CATSPERE: variants seen among roughly 807,000 people sequenced by gnomAD.
CATSPERE encodes cation channel sperm-associated auxiliary subunit epsilon.
A neutral mutation model predicts 114.1 loss-of-function variants in CATSPERE; 93 were observed. The observed-to-expected ratio is 0.81, with a 90% CI of 0.69 to 0.97. The LOEUF is 0.97. CATSPERE is among the 50% of genes least tolerant of loss of function. The probability of loss-of-function intolerance (pLI) is 0.00; values close to 1 mark genes in which losing one functional copy is unlikely to be tolerated. For synonymous variants in CATSPERE, 341 were observed against 384.1 expected, an observed-to-expected ratio of 0.89 and a Z score of 1.31; for missense variants, 1,058 against 1,131.6, an observed-to-expected ratio of 0.93 and a Z score of 0.93.
chr1:244,573,033 T>G lies in CATSPERE; in HGVS notation c.1950+261T>G, dbSNP rs1419801297. Among the ~76,000 whole-genome samples the G allele has an allele frequency of 6.6e-6, 1 of 152,088 alleles. No individual in the cohort carries two copies. The highest frequency in any genetic ancestry group is 1.5e-5 in the Non-Finnish European group (1 of 68,012). Reference sequence around the variant, plus strand: ...TTGTATTGTTCACTTCTTCTTCTTTTTTTTTTTAATGCATGGCTTTCCTGT... The same window carrying G: ...TTGTATTGTTCACTTCTTCTTCTTTGTTTTTTTAATGCATGGCTTTCCTGT... On this transcript the variant is annotated intron_variant, in intron 11 of 21. Transcript: ENST00000366534. The surrounding 1 kb of genome is among the most constrained non-coding windows in gnomAD (Gnocchi z 4.0).
intron 9 of CATSPERE, among the ~76,000 whole-genome samples, chr1:244,553,221 A>G (rs1007205780): frequency 2.0e-5 from 3 of 152,144 alleles, no homozygotes; most frequent in Admixed American, 1.3e-4. Flanking sequence ...TACTGTGTCT[A>G]TGTGTTGGTA....
At chr1:244,496,213 C>T (rs1302983479) in intron 6 of CATSPERE, among the ~76,000 whole-genome samples, 1 of 152,212 alleles carries the variant, frequency 6.6e-6, no homozygotes, top group Non-Finnish European at 1.5e-5. Context: ...AACACCTTTA[C>T]TCCTGCTTTA....
At chr1:244,588,581 C>T in intron 14 of CATSPERE, 47 bp downstream of exon 14, 1 of 1,400,774 alleles carries the variant, frequency 7.1e-7, no homozygotes, top group South Asian at 1.2e-5. Context: ...AGTTTTAAAA[C>T]AAATGGTAAA....
intron 20 of CATSPERE, among the ~76,000 whole-genome samples, chr1:244,634,321 C>T (rs1674350046): frequency 6.6e-6 from 1 of 152,088 alleles, no homozygotes; most frequent in Admixed American, 6.6e-5. Flanking sequence ...TCTTTTTGAG[C>T]CGTTCTGTAT....
At chr1:244,468,172 A>C (rs553103460) in intron 2 of CATSPERE, among the ~76,000 whole-genome samples, 5 of 151,072 alleles carry the variant, frequency 3.3e-5, no homozygotes, top group Non-Finnish European at 7.4e-5. Flanking sequence ...GGCTCACTGC[A>C]ACCTCTGCCT....
At chr1:244,567,079 G>C (rs1228824141) in intron 10 of CATSPERE, among the ~76,000 whole-genome samples, 1 of 152,074 alleles carries the variant, frequency 6.6e-6, no homozygotes, top group African/African-American at 2.4e-5. Context: ...TGTCTGTAAA[G>C]GATTTTATTT....
chr1:244,563,573 G>A (rs1202392461), intron 10 of CATSPERE, among the ~76,000 whole-genome samples: 1 of 152,182 alleles, frequency 6.6e-6, no homozygotes, highest in African/African-American at 2.4e-5. Context: ...TTTGAGAAGT[G>A]TCTGTTCATA....
intron 20 of CATSPERE, among the ~76,000 whole-genome samples, chr1:244,624,023 G>C (rs952360039): frequency 6.6e-6 from 1 of 151,658 alleles, no homozygotes; most frequent in African/African-American, 2.4e-5. Context: ...GTGCAGTGGC[G>C]CAATCTCAAC....
chr1:244,548,899 T>C (rs1660171545), intron 8 of CATSPERE, among the ~76,000 whole-genome samples: 2 of 152,302 alleles, frequency 1.3e-5, no homozygotes, highest in African/African-American at 4.8e-5. Context: ...CTATTATCCC[T>C]AGAGACCTAT....
chr1:244,460,926 A>C (rs1003239299), upstream of CATSPERE, among the ~76,000 whole-genome samples: 1 of 151,988 alleles, frequency 6.6e-6, no homozygotes, highest in African/African-American at 2.4e-5. Context: ...AAAAACAAAC[A>C]ACAACAAAAA....
chr1:244,504,148 T>C lies in CATSPERE; in HGVS notation c.429+5069T>C, dbSNP rs1674483329. 6.6e-6 allele frequency among the ~76,000 whole-genome samples: 1 copy of C among 152,196 alleles called. No individual in the cohort carries two copies. The highest frequency in any genetic ancestry group is 2.4e-5 in the African/African-American group (1 of 41,454). On this transcript the variant is annotated intron_variant, in intron 7 of 21. Coordinates refer to ENST00000366534, the MANE Select transcript of CATSPERE (RefSeq NM_001130957.2). This position sits in a 1 kb window ranked among gnomAD's most constrained non-coding sequence, Gnocchi z 4.1. ...TCCTCTGTTCACCATGTTTAACAAA[T>C]AAAAGAGCACACAAATATCCAGCTA...
intron 2 of CATSPERE, among the ~76,000 whole-genome samples, chr1:244,472,696 CA>C (rs1668687961): frequency 6.6e-6 from 1 of 152,128 alleles, no homozygotes. Context: ...TGAGCATGGA[CA>C]AATGTTTAAT....
chr1:244,461,927 C>T (rs889702050), intron 1 of CATSPERE, among the ~76,000 whole-genome samples: 1 of 152,148 alleles, frequency 6.6e-6, no homozygotes, highest in Non-Finnish European at 1.5e-5. Context: ...GCTCCTCGCA[C>T]CTCGGCCTCC....
intron 19 of CATSPERE, among the ~76,000 whole-genome samples, chr1:244,616,130 AAAAAC>A (rs1008956732): frequency 6.6e-6 from 1 of 152,070 alleles, no homozygotes; most frequent in African/African-American, 2.4e-5. Flanking sequence ...CTCCATCCCT[AAAAAC>A]AAAACAAAAC....
intron 13 of CATSPERE, among the ~76,000 whole-genome samples, chr1:244,586,301 G>A (rs1045218815): frequency 1.3e-5 from 2 of 152,150 alleles, no homozygotes; most frequent in Admixed American, 1.3e-4. Flanking sequence ...GGCTTGGGGT[G>A]ATTTTTTTCA....
At chr1:244,455,234 G>A (rs1169218096) in intron 1 of CATSPERE, among the ~76,000 whole-genome samples, 1 of 151,968 alleles carries the variant, frequency 6.6e-6, no homozygotes, top group African/African-American at 2.4e-5. Flanking sequence ...CTGTAACTTT[G>A]CCATTTATTG....
chr1:244,556,882 G>A (rs965813498), intron 9 of CATSPERE, among the ~76,000 whole-genome samples: 1 of 151,880 alleles, frequency 6.6e-6, no homozygotes, highest in Non-Finnish European at 1.5e-5. Context: ...CTATACAAAA[G>A]AGAAAGTAAG....
chr1:244,553,328 G>A (rs1307623476), intron 9 of CATSPERE, among the ~76,000 whole-genome samples: 3 of 151,822 alleles, frequency 2.0e-5, no homozygotes, highest in East Asian at 1.9e-4. Flanking sequence ...TTGGGAGGCC[G>A]AGGCGGGCAG....
At chr1:244,561,593 G>A (rs906450045) in intron 10 of CATSPERE, among the ~76,000 whole-genome samples, 4 of 152,018 alleles carry the variant, frequency 2.6e-5, no homozygotes, top group Non-Finnish European at 5.9e-5. Flanking sequence ...ACCTGTAGAG[G>A]GAGGTTTTGT....
Sources: allele counts gnomAD v4.1 joint callset (sites outside exome capture counted in the v4.1 genomes callset), GRCh38; gene constraint gnomAD v4.1.1; non-coding constraint Gnocchi (gnomAD v3.1); transcripts MANE v1.5; gene names NCBI Gene and HGNC (gene_info 2026-07-23, HGNC 2026-07-21).